The following TM4SF4 variants were observed in gnomAD, a reference collection of about 807,000 sequenced individuals.
The protein encoded by TM4SF4 is transmembrane 4 L6 family member 4.
Under a neutral mutation model 24.1 loss-of-function variants are expected in TM4SF4, and 24 were observed. The ratio of observed to expected loss-of-function variants is 1.00; its 90% CI spans 0.72 to 1.40. TM4SF4 has a LOEUF of 1.40. TM4SF4 is among the 40% of genes most tolerant of loss of function. The pLI, the probability that TM4SF4 is intolerant of heterozygous loss-of-function variation, is 0.00. For missense variants in TM4SF4, 254 were observed against 254.2 expected (o/e 1.00, Z 0.01); for synonymous variants, 113 against 97.0 (o/e 1.17, Z -0.97).
At chr3:149,499,284 G>T (rs192650724) in intron 4 of TM4SF4, among the ~76,000 whole-genome samples, 45 of 152,158 alleles carry the variant, frequency 3.0e-4, no homozygotes, top group Non-Finnish European at 5.9e-4. Flanking sequence ...CAGTGTCAGC[G>T]ATAGTACATC....
At chr3:149,498,172 T>C (rs973669426) in intron 3 of TM4SF4, among the ~76,000 whole-genome samples, 2 of 152,204 alleles carry the variant, frequency 1.3e-5, no homozygotes, top group Non-Finnish European at 1.5e-5. Flanking sequence ...AATCAGGCTC[T>C]TCCCTTTAGC....
intron 3 of TM4SF4, among the ~76,000 whole-genome samples, chr3:149,494,045 T>C (rs1386946067): frequency 1.3e-5 from 2 of 152,214 alleles, no homozygotes; most frequent in Non-Finnish European, 2.9e-5. Context: ...TGCTTTAAAA[T>C]GTCAGTTAAG....
Sources: allele counts gnomAD v4.1 joint callset (sites outside exome capture counted in the v4.1 genomes callset), GRCh38; gene constraint gnomAD v4.1.1; transcripts MANE v1.5; gene names NCBI Gene and HGNC (gene_info 2026-07-23, HGNC 2026-07-21).